Variants in GRAMD4 observed in about 807,000 individuals in gnomAD.
The protein encoded by GRAMD4 is GRAM domain containing 4, also known as GRAM domain-containing protein 4.
A neutral mutation model predicts 83.9 loss-of-function variants in GRAMD4; 25 were observed. The observed-to-expected ratio is 0.30, with a 90% CI of 0.22 to 0.42. The LOEUF is 0.42. Ranked by LOEUF, GRAMD4 falls within the 10% of genes least tolerant of loss-of-function variation. The probability of loss-of-function intolerance (pLI) is 1.00; values close to 1 mark genes in which losing one functional copy is unlikely to be tolerated. For synonymous variants in GRAMD4, 336 were observed against 320.9 expected (o/e 1.05, Z -0.50); for missense variants, 593 against 788.7 (o/e 0.75, Z 2.97).
intron 1 of GRAMD4, among the ~76,000 whole-genome samples, chr22:46,610,552 C>G (rs1385169519): frequency 6.6e-6 from 1 of 152,244 alleles, no homozygotes; most frequent in Non-Finnish European, 1.5e-5. Flanking sequence ...TTGCTGAACC[C>G]CACCTAGGAG....
upstream of GRAMD4, among the ~76,000 whole-genome samples, chr22:46,616,645 CCT>C (rs1206485062): frequency 2.3e-5 from 3 of 130,344 alleles, no homozygotes; most frequent in Non-Finnish European, 3.2e-5. Context: ...TGTACGTTCC[CCT>C]GTGTGTACGT....
At chr22:46,650,056 G>A (rs2082141276) in intron 3 of GRAMD4, among the ~76,000 whole-genome samples, 1 of 152,204 alleles carries the variant, frequency 6.6e-6, no homozygotes, top group South Asian at 2.1e-4. Flanking sequence ...CTCTGGGTGT[G>A]CGGGCCTCCG....
At chr22:46,629,108 T>C (rs936008786) in intron 2 of GRAMD4, among the ~76,000 whole-genome samples, 8 of 151,996 alleles carry the variant, frequency 5.3e-5, no homozygotes, top group Non-Finnish European at 1.2e-4. Context: ...GGAAACCACC[T>C]CAGGGACTCG....
Position 46,637,753 on chromosome 22 carries a change from G to T in GRAMD4, c.163-87G>T, listed in dbSNP as rs551249594. ...CACATGCCACTGCTGCCATCCTGGG[G>T]CCCCTGGGCACCTCTGGGGGAACTG... On this transcript the variant is annotated intron_variant, in intron 2 of 18. Transcript: ENST00000406902. 5.5e-6 allele frequency: 8 copies of T among 1,450,024 alleles called. No individual in the cohort carries two copies. In the East Asian group the frequency reaches 1.9e-4, roughly 34 times the overall value. 89.8% of individuals were successfully genotyped at this position (1,450,024 alleles called of 1,614,324 possible). A position where few individuals can be genotyped will look rare whatever the true frequency, so the allele number is the denominator to read the frequency against.
chr22:46,667,233 T>C (rs1254532028), intron 10 of GRAMD4, among the ~76,000 whole-genome samples: 1 of 152,046 alleles, frequency 6.6e-6, no homozygotes, highest in Non-Finnish European at 1.5e-5. Flanking sequence ...GCTGGACAAG[T>C]GGACCTGTTC....
At position 46,584,390 on chromosome 22, in the gene GRAMD4, G is replaced by C. The variant is rs528764296; in HGVS notation, c.-50+7100G>C. 7.9e-5 allele frequency among the ~76,000 whole-genome samples: 12 copies of C among 152,280 alleles called. No individual in the cohort carries two copies. The South Asian group carries it at 2.5e-3, about 32-fold the overall frequency. On this transcript the variant is annotated intron_variant, in intron 1 of 1. Transcript: ENST00000431155. ...TGTACGTGTCTCTGCCTGTGTCCGC[G>C]TGTAGCCTCCTGTACCTGTATTGAG...
At chr22:46,579,444 T>A (rs1044270073) in intron 1 of GRAMD4, among the ~76,000 whole-genome samples, 2 of 152,186 alleles carry the variant, frequency 1.3e-5, no homozygotes, top group African/African-American at 4.8e-5. Flanking sequence ...AAGAAAGTGT[T>A]ATTGGAGCCT....
intron 1 of GRAMD4, among the ~76,000 whole-genome samples, chr22:46,623,283 C>G (rs1315795050): frequency 1.3e-5 from 2 of 152,196 alleles, no homozygotes; most frequent in South Asian, 4.2e-4. Flanking sequence ...TGAGCTTGGT[C>G]CTAGGGTCCT....
upstream of GRAMD4, among the ~76,000 whole-genome samples, chr22:46,618,400 G>A (rs79160): frequency 0.79 from 119,938 of 152,110 alleles, 48,187 homozygotes; most frequent in East Asian, 1. The surrounding 1 kb of genome is among the most constrained non-coding windows in gnomAD (Gnocchi z 5.8). Context: ...AGCGGGCGGC[G>A]CCTAGGGAAT....
At position 46,668,830 on chromosome 22, in the gene GRAMD4, C is replaced by A; in HGVS notation, c.1006C>A (p.Gln336Lys). ...LFMWVQPEITQKLYVALWAAF... is the reference protein window; with the variant it reads ...LFMWVQPEITKKLYVALWAAF... ...CATGTGGGTCCAGCCGGAGATCACA[C>A]AGAAGCTGTATGTGGCGCTCTGGGC... Residue 336 changes from glutamine (Q) to lysine (K), a missense_variant, in exon 13 of 19, where the codon CAG becomes AAG. By Grantham distance (53) the Gln-to-Lys change is moderately conservative. This residue lies in a region of GRAMD4 where 171 missense variants were observed against 199.6 expected (regional missense o/e 0.86). Coordinates refer to ENST00000406902, the MANE Select transcript of GRAMD4 (RefSeq NM_015124.5). 2 of 1,612,146 alleles carry A rather than the reference C, an allele frequency of 1.2e-6. No individual in the cohort carries two copies. Among genetic ancestry groups the A allele is most frequent in the Middle Eastern group, 3.3e-4 (2 of 6,060 alleles).
chr22:46,587,847 G>A, intron 1 of GRAMD4: 1 of 930,194 alleles, frequency 1.1e-6, no homozygotes, highest in Non-Finnish European at 1.3e-6. Flanking sequence ...AGTGAAACAG[G>A]CGTGTGCGCC....
chr22:46,616,569 C>T (rs373036795), upstream of GRAMD4, among the ~76,000 whole-genome samples: 1,882 of 32,378 alleles, frequency 0.058, no homozygotes, highest in Admixed American at 0.092. Context: ...CCTGTGTGTG[C>T]GGCTTCCCCT....
In GRAMD4 at chr22:46,639,423, AGT is replaced by A. The variant is rs369387616; in HGVS notation, c.283+1476_283+1477del. The stretch of plus-strand genomic sequence containing the variant: ...GCATGTGTGCAGTGTTAGTTAATCC[AGT>A]GTGTGTGTGTGTCTGCGTGTGCAGC... On this transcript the variant is annotated intron_variant, in intron 3 of 18. Coordinates refer to ENST00000406902, the MANE Select transcript of GRAMD4 (RefSeq NM_015124.5). Among the ~76,000 whole-genome samples, 14 of 142,346 alleles carry A rather than the reference AGT, an allele frequency of 9.8e-5. No individual in the cohort carries two copies. In the South Asian group the frequency reaches 1.3e-3, roughly 14 times the overall value. The allele number at this position is 142,346 out of a possible 152,430, so 93.4% of individuals were successfully genotyped here.
chr22:46,671,003 C>A, intron 13 of GRAMD4: 1 of 412,218 alleles, frequency 2.4e-6, no homozygotes, highest in Middle Eastern at 3.5e-4. Flanking sequence ...CAGGTGTGGG[C>A]CAAGATGGCA....
rs192121281 is a variant in GRAMD4, at chr22:46,641,841, T to C, written c.283+3881T>C. On this transcript the variant is annotated intron_variant, in intron 3 of 18. Coordinates refer to ENST00000406902, the MANE Select transcript of GRAMD4 (RefSeq NM_015124.5). ...CTCTCTCCATTTGTTAGCCGACACA[T>C]TTCCGAAAACAAACTTCCCTTTGTC... Among the ~76,000 whole-genome samples, 23 of 152,390 alleles carry C rather than the reference T, an allele frequency of 1.5e-4. 1 individual carries two copies. The East Asian group carries it at 4.4e-3, about 29-fold the overall frequency.
In GRAMD4 at chr22:46,660,902, GA is replaced by G. The variant is rs544744908; in HGVS notation, c.405-478del. On this transcript the variant is annotated intron_variant, in intron 4 of 18. Coordinates refer to ENST00000406902, the MANE Select transcript of GRAMD4 (RefSeq NM_015124.5). ...AGGGGCTGGGTGTGGGACGGAAGCA[GA>G]CCCTAGTGGCCGTCTAGTGCCCCTG... is the stretch of plus-strand genomic sequence containing the variant. 1.4e-3 allele frequency among the ~76,000 whole-genome samples: 207 copies of G among 152,332 alleles called. 1 individual carries two copies. Among genetic ancestry groups the G allele is most frequent in the African/African-American group, 4.6e-3 (191 of 41,570 alleles).
intron 3 of GRAMD4, among the ~76,000 whole-genome samples, chr22:46,654,304 G>C (rs1002372143): frequency 1.3e-5 from 2 of 152,204 alleles, no homozygotes; most frequent in African/African-American, 4.8e-5. Context: ...CGCCCACCAA[G>C]GGCTTCAGGG....
downstream of GRAMD4, among the ~76,000 whole-genome samples, chr22:46,682,053 G>T (rs2146529694): frequency 6.6e-6 from 1 of 152,338 alleles, no homozygotes; most frequent in South Asian, 2.1e-4. Flanking sequence ...GGGCTGTGCA[G>T]CCACCCAGTG....
Position 46,620,578 on chromosome 22 carries a change from G to A in GRAMD4, c.-50+13G>A. 2 of 552,330 alleles carry A rather than the reference G, an allele frequency of 3.6e-6. No homozygotes were observed. Among genetic ancestry groups the A allele is most frequent in the Non-Finnish European group, 4.6e-6 (2 of 430,698 alleles). The allele number at this position is 552,330 out of a possible 1,614,324, so 34.2% of individuals were successfully genotyped here. A position where few individuals can be genotyped will look rare whatever the true frequency, so the allele number is the denominator to read the frequency against. On this transcript the variant is annotated intron_variant, in intron 1 of 18. Transcript: ENST00000406902. This position sits in a 1 kb window ranked among gnomAD's most constrained non-coding sequence, Gnocchi z 4.7. ...GAGACAGACGGAGGTAGGGGGCAGGGGGCAGGGGGCAGGGGGACATGGTAG... is the reference window on the plus strand; with the variant it reads ...GAGACAGACGGAGGTAGGGGGCAGGAGGCAGGGGGCAGGGGGACATGGTAG...
Sources: allele counts gnomAD v4.1 joint callset (sites outside exome capture counted in the v4.1 genomes callset), GRCh38; gene constraint gnomAD v4.1.1; regional missense constraint gnomAD v4.1.1; non-coding constraint Gnocchi (gnomAD v3.1); transcripts MANE v1.5; gene names NCBI Gene and HGNC (gene_info 2026-07-23, HGNC 2026-07-21).